The following PRKG2 variants were observed in gnomAD, a reference collection of about 807,000 sequenced individuals.
The protein encoded by PRKG2 is protein kinase cGMP-dependent 2.
In PRKG2, 33 loss-of-function variants were observed where a neutral mutation model predicts 97.2. The observed-to-expected ratio is 0.34, with a 90% CI of 0.26 to 0.45. The LOEUF is 0.45. PRKG2 is among the 20% of genes least tolerant of loss of function. PRKG2 has a pLI of 1.00. For missense variants in PRKG2, 638 were observed against 900.0 expected, an observed-to-expected ratio of 0.71 and a Z score of 3.73; for synonymous variants, 330 against 321.8, an observed-to-expected ratio of 1.03 and a Z score of -0.27.
chr4:81,182,044 G>A lies in PRKG2; in HGVS notation c.462-7085C>T, dbSNP rs1751459369. 2.6e-5 allele frequency among the ~76,000 whole-genome samples: 4 copies of A among 151,512 alleles called. No individual in the cohort carries two copies. In the South Asian group the frequency reaches 6.2e-4, roughly 24 times the overall value. Reference sequence around the variant, plus strand: ...TTATTAAGCCTTATAGATATTTAAAGGAAAATTAATATTAAATTTATGTAA... The same window carrying A: ...TTATTAAGCCTTATAGATATTTAAAAGAAAATTAATATTAAATTTATGTAA... On this transcript the variant is annotated intron_variant, in intron 2 of 18. Transcript: ENST00000264399.
At chr4:81,103,377 T>C (rs1172060792) in intron 17 of PRKG2, among the ~76,000 whole-genome samples, 2 of 152,014 alleles carry the variant, frequency 1.3e-5, no homozygotes, top group African/African-American at 4.8e-5. Context: ...CTTTAAAAAT[T>C]CACAGAACTG....
chr4:81,104,233 A>G, intron 17 of PRKG2, 137 bp downstream of exon 17: 1 of 417,322 alleles, frequency 2.4e-6, no homozygotes, highest in Non-Finnish European at 4.2e-6. Context: ...TAAAACACAG[A>G]TAAAAAGCAA....
intron 1 of PRKG2, among the ~76,000 whole-genome samples, chr4:81,208,823 T>C (rs1347104941): frequency 2.6e-5 from 4 of 152,150 alleles, no homozygotes; most frequent in Non-Finnish European, 5.9e-5. Flanking sequence ...GGAAAACAAG[T>C]TCCCCACCAA....
At chr4:81,142,611 T>C (rs1249797849) in intron 11 of PRKG2, among the ~76,000 whole-genome samples, 183 bp downstream of exon 11, 6 of 152,182 alleles carry the variant, frequency 3.9e-5, no homozygotes, top group Admixed American at 3.9e-4. Flanking sequence ...TACAAGTTAC[T>C]TACTAGCACA....
intron 14 of PRKG2, among the ~76,000 whole-genome samples, chr4:81,131,507 C>A (rs1517549): frequency 8.1e-4 from 123 of 152,260 alleles, no homozygotes; most frequent in Admixed American, 2.2e-3. Flanking sequence ...TGTAGGAGTT[C>A]TTTACATATT....
chr4:81,128,509 A>C (rs1453151971), intron 14 of PRKG2, among the ~76,000 whole-genome samples: 3 of 152,036 alleles, frequency 2.0e-5, no homozygotes, highest in Non-Finnish European at 4.4e-5. Flanking sequence ...CAATTTCAGA[A>C]CTTGTTATTC....
rs532839700 is a variant in PRKG2 at position 81,098,112 on chromosome 4, A to G, written c.2127-5660T>C. 1.9e-3 allele frequency among the ~76,000 whole-genome samples: 287 copies of G among 152,282 alleles called. 1 individual carries two copies. Among genetic ancestry groups the G allele is most frequent in the African/African-American group, 6.5e-3 (272 of 41,562 alleles). The stretch of plus-strand genomic sequence containing the variant: ...ACCCACCCGTAATCTCAGTGGGCAC[A>G]ACCTAATTAGCTGCCAGTGCGGCTA... On this transcript the variant is annotated intron_variant, in intron 17 of 18. Transcript: ENST00000264399.
intron 13 of PRKG2, 124 bp downstream of exon 13, chr4:81,137,269 A>G: frequency 1.4e-6 from 1 of 733,182 alleles, no homozygotes; most frequent in Non-Finnish European, 2.3e-6. Flanking sequence ...TATCACTATT[A>G]CTACTTTATT....
chr4:81,142,729 T>C (rs1747415362), intron 11 of PRKG2, 65 bp downstream of exon 11: 3 of 1,435,196 alleles, frequency 2.1e-6, no homozygotes, highest in Non-Finnish European at 2.8e-6. Flanking sequence ...CAAGATATGC[T>C]GGAATATAAA....
At chr4:81,153,915 G>C (rs570508817) in intron 6 of PRKG2, among the ~76,000 whole-genome samples, 194 bp from the exon 7 acceptor site, 5 of 152,138 alleles carry the variant, frequency 3.3e-5, no homozygotes, top group African/African-American at 4.8e-5. Context: ...TGCGCGCACC[G>C]TGCGCGAGCC....
intron 14 of PRKG2, 46 bp downstream of exon 14, chr4:81,135,109 G>A: frequency 6.6e-7 from 1 of 1,510,504 alleles, no homozygotes; most frequent in South Asian, 1.3e-5. Flanking sequence ...ACTTTTGCCA[G>A]GGGAAATATC....
At chr4:81,120,344 A>G (rs1744958202) in intron 14 of PRKG2, among the ~76,000 whole-genome samples, 2 of 152,198 alleles carry the variant, frequency 1.3e-5, no homozygotes, top group South Asian at 4.1e-4. Context: ...GGGCTGCCCA[A>G]TTCATGAATC....
chr4:81,211,752 C>T (rs948487042), intron 1 of PRKG2, among the ~76,000 whole-genome samples: 4 of 151,928 alleles, frequency 2.6e-5, no homozygotes, highest in East Asian at 1.9e-4. Flanking sequence ...TGACCATCTC[C>T]GTGGTAGCCA....
chr4:81,157,484 C>T (rs917637697), intron 6 of PRKG2, among the ~76,000 whole-genome samples: 5 of 152,112 alleles, frequency 3.3e-5, no homozygotes, highest in Non-Finnish European at 5.9e-5. Context: ...GATTCACAGC[C>T]GAATTCTACC....
At chr4:81,117,245 G>A (rs907696133) in intron 14 of PRKG2, among the ~76,000 whole-genome samples, 5 of 151,746 alleles carry the variant, frequency 3.3e-5, no homozygotes, top group South Asian at 2.1e-4. Context: ...CTCCCTCCTC[G>A]GGTGTCCCAA....
At position 81,123,885 on chromosome 4, in the gene PRKG2, C is replaced by A. The variant is rs1053185066; in HGVS notation, c.1776+11270G>T. On this transcript the variant is annotated intron_variant, in intron 14 of 18. Transcript: ENST00000264399. ...CATTTTCTCAAAAAAAGAATTTGAT[C>A]CTTCTATTTTAATTCCCATTATACC... Among the ~76,000 whole-genome samples the A allele has an allele frequency of 1.6e-4, 24 of 152,142 alleles. 1 individual carries two copies. Among genetic ancestry groups the A allele is most frequent in the African/African-American group, 5.1e-4 (21 of 41,508 alleles).
intron 17 of PRKG2, among the ~76,000 whole-genome samples, chr4:81,098,437 C>T (rs1052035088): frequency 6.6e-6 from 1 of 152,096 alleles, no homozygotes; most frequent in Non-Finnish European, 1.5e-5. Flanking sequence ...AGAAACTTTC[C>T]TTTGGATTCA....
At chr4:81,188,113 A>G (rs1752057999) in intron 2 of PRKG2, among the ~76,000 whole-genome samples, 1 of 152,198 alleles carries the variant, frequency 6.6e-6, no homozygotes, top group South Asian at 2.1e-4. Context: ...AAATTTTTGC[A>G]ACCTACTCAT....
intron 2 of PRKG2, among the ~76,000 whole-genome samples, chr4:81,182,183 G>A (rs1751472712): frequency 6.6e-6 from 1 of 151,670 alleles, no homozygotes; most frequent in Admixed American, 6.6e-5. Flanking sequence ...TATCCCTAAT[G>A]AATAGAGGGA....
Sources: allele counts gnomAD v4.1 joint callset (sites outside exome capture counted in the v4.1 genomes callset), GRCh38; gene constraint gnomAD v4.1.1; transcripts MANE v1.5; gene names NCBI Gene and HGNC (gene_info 2026-07-23, HGNC 2026-07-21).